Variants in CROT observed in about 807,000 individuals in gnomAD.
The protein encoded by CROT is carnitine O-octanoyltransferase.
A neutral mutation model predicts 89.2 loss-of-function variants in CROT; 84 were observed. That is an observed-to-expected ratio of 0.94 (90% CI 0.79 to 1.13). The LOEUF is 1.13. CROT is among the 50% of genes most tolerant of loss of function. The pLI, the probability that CROT is intolerant of heterozygous loss-of-function variation, is 0.00. For synonymous variants in CROT, 212 were observed against 239.5 expected (o/e 0.89, Z 1.06); for missense variants, 711 against 727.8 (o/e 0.98, Z 0.27).
At chr7:87,361,650 T>C (rs1806277922) in intron 5 of CROT, 78 bp from the exon 6 acceptor site, 1 of 1,527,328 alleles carries the variant, frequency 6.5e-7, no homozygotes, top group East Asian at 2.3e-5. Context: ...AATTTACTTA[T>C]TTGGGGATGA....
intron 2 of CROT, among the ~76,000 whole-genome samples, chr7:87,348,710 G>T (rs972797389): frequency 6.6e-6 from 1 of 152,214 alleles, no homozygotes; most frequent in African/African-American, 2.4e-5. Context: ...AAATTGCAAA[G>T]AATGCCACCT....
At chr7:87,370,326 G>T (rs1806592406) in intron 7 of CROT, among the ~76,000 whole-genome samples, 1 of 152,012 alleles carries the variant, frequency 6.6e-6, no homozygotes, top group Non-Finnish European at 1.5e-5. Context: ...AGGATTATAG[G>T]TGCGCACCAC....
chr7:87,393,698 G>A (rs1807439601), intron 17 of CROT, among the ~76,000 whole-genome samples: 2 of 152,092 alleles, frequency 1.3e-5, no homozygotes, highest in South Asian at 2.1e-4. Context: ...TAAAAATTAC[G>A]TGACTACATT....
chr7:87,375,863 C>T lies in CROT; in HGVS notation c.786C>T (p.Asn262=), dbSNP rs1053303095. ...ATCTGATTGGTCTTGATCCAGAGAACTTGGCTTTGTTAGAAAAAATTCAGA... is the reference window on the plus strand; with the variant it reads ...ATCTGATTGGTCTTGATCCAGAGAATTTGGCTTTGTTAGAAAAAATTCAGA... ...REYLIGLDPE[N]LALLEKIQSS... The change falls in exon 9 of 18, where the codon AAC becomes AAT. Residue 262 remains asparagine, a synonymous_variant. Transcript: ENST00000331536. 1.9e-6 allele frequency: 3 copies of T among 1,613,404 alleles called. No individual in the cohort carries two copies. The Admixed American group carries it at 5.0e-5, about 27-fold the overall frequency.
At chr7:87,364,064 G>C (rs1180925674) in intron 6 of CROT, among the ~76,000 whole-genome samples, 2 of 152,176 alleles carry the variant, frequency 1.3e-5, no homozygotes, top group African/African-American at 2.4e-5. Context: ...GGGAGGAGAA[G>C]CAAGTGGTCT....
At chr7:87,348,009 A>G (rs147031094) in intron 2 of CROT, among the ~76,000 whole-genome samples, 1 of 152,352 alleles carries the variant, frequency 6.6e-6, no homozygotes, top group African/African-American at 2.4e-5. Context: ...AACAGGTATT[A>G]GCTGAAAATA....
At chr7:87,346,292 C>G (rs1255309487) in intron 1 of CROT, 48 bp from the exon 2 acceptor site, 3 of 152,192 alleles carry the variant, frequency 2.0e-5, no homozygotes, top group Non-Finnish European at 4.4e-5. Context: ...TTGTTCATTT[C>G]TTTTTCCCTC....
At chr7:87,383,932 C>T (rs1208756466) in intron 13 of CROT, among the ~76,000 whole-genome samples, 1 of 152,046 alleles carries the variant, frequency 6.6e-6, no homozygotes, top group Non-Finnish European at 1.5e-5. Flanking sequence ...TGGATATATA[C>T]CTAGCAGTGG....
chr7:87,392,533 T>G, intron 14 of CROT, 33 bp from the exon 15 acceptor site: 1 of 1,561,730 alleles, frequency 6.4e-7, no homozygotes. Flanking sequence ...TTGCACAGTG[T>G]GTTATTGAAG....
chr7:87,361,873 C>G lies in CROT; in HGVS notation c.547+21C>G, dbSNP rs771630295. 1.8e-5 allele frequency: 28 copies of G among 1,553,618 alleles called. No individual in the cohort carries two copies. The East Asian group carries it at 6.4e-4, about 36-fold the overall frequency. ...GACTGGTAAGTAAAAATGCAGATATCGTTTTTAGTAAAGGCACTGGAATTT... is the reference window on the plus strand; with the variant it reads ...GACTGGTAAGTAAAAATGCAGATATGGTTTTTAGTAAAGGCACTGGAATTT... On this transcript the variant is annotated intron_variant, in intron 6 of 17. Transcript: ENST00000331536.
chr7:87,348,388 C>T (rs1805759944), intron 2 of CROT, among the ~76,000 whole-genome samples: 1 of 152,220 alleles, frequency 6.6e-6, no homozygotes, highest in East Asian at 1.9e-4. Context: ...CCTCATACGA[C>T]CTGTGCAATT....
At chr7:87,359,712 G>A (rs1806213854) in intron 4 of CROT, 15 of 1,018,764 alleles carry the variant, frequency 1.5e-5, no homozygotes, top group Non-Finnish European at 1.6e-5. Flanking sequence ...AGGTGGCATA[G>A]AAATATTTTC....
intron 6 of CROT, among the ~76,000 whole-genome samples, chr7:87,362,970 T>C (rs563712900): frequency 6.6e-6 from 1 of 152,238 alleles, no homozygotes; most frequent in South Asian, 2.1e-4. Flanking sequence ...ATTAAAAGAT[T>C]AGGGAAACTG....
At chr7:87,361,177 GGCC>G (rs1806255770) in intron 4 of CROT, among the ~76,000 whole-genome samples, 1 of 150,522 alleles carries the variant, frequency 6.6e-6, no homozygotes, top group Non-Finnish European at 1.5e-5. Flanking sequence ...TGCCCAGGCT[GGCC>G]TCTAGGTCCT....
chr7:87,348,491 G>A (rs1805765634), intron 2 of CROT, among the ~76,000 whole-genome samples: 1 of 152,158 alleles, frequency 6.6e-6, no homozygotes, highest in Non-Finnish European at 1.5e-5. Context: ...GTGCTCCAAA[G>A]TTTTCTATAT....
At chr7:87,375,251 G>A (rs1427247095) in intron 7 of CROT, 1 of 177,376 alleles carries the variant, frequency 5.6e-6, no homozygotes. Context: ...AGTTAGATAA[G>A]ATGTACATTA....
chr7:87,373,006 G>T (rs923981520), intron 7 of CROT, among the ~76,000 whole-genome samples: 2 of 152,004 alleles, frequency 1.3e-5, no homozygotes, highest in African/African-American at 4.8e-5. Context: ...GGGTAGAATT[G>T]CCAGGTCATA....
chr7:87,347,037 T>G (rs1805704715), intron 2 of CROT, among the ~76,000 whole-genome samples: 1 of 152,234 alleles, frequency 6.6e-6, no homozygotes, highest in Admixed American at 6.5e-5. Flanking sequence ...TGAGCCTCTT[T>G]CAGTTCTTTA....
intron 17 of CROT, among the ~76,000 whole-genome samples, chr7:87,393,816 C>T (rs764350897): frequency 1.3e-5 from 2 of 152,094 alleles, no homozygotes; most frequent in Non-Finnish European, 2.9e-5. Flanking sequence ...ATACAACTGA[C>T]CCTTGAACAA....
Sources: allele counts gnomAD v4.1 joint callset (sites outside exome capture counted in the v4.1 genomes callset), GRCh38; gene constraint gnomAD v4.1.1; transcripts MANE v1.5; gene names NCBI Gene and HGNC (gene_info 2026-07-23, HGNC 2026-07-21).